Variants in FGD5 observed in about 807,000 individuals in gnomAD.
FGD5 encodes the protein FYVE, RhoGEF and PH domain-containing protein 5.
FGD5 carries 28 observed loss-of-function variants against 133.4 expected under a neutral mutation model. The observed-to-expected ratio is 0.21, with a 90% CI of 0.16 to 0.29. FGD5 has a LOEUF of 0.29. Ranked by LOEUF, FGD5 falls within the 10% of genes least tolerant of loss-of-function variation. The pLI, the probability that FGD5 is intolerant of heterozygous loss-of-function variation, is 1.00. For synonymous variants in FGD5, 810 were observed against 776.5 expected (o/e 1.04, Z -0.72); for missense variants, 1,858 against 1,895.2 (o/e 0.98, Z 0.36).
chr3:14,820,313 G>A lies in FGD5; in HGVS notation c.1242G>A (p.Val414=). The change falls in exon 1 of 20, where the codon GTG becomes GTA. Residue 414 remains valine, a synonymous_variant. Transcript: ENST00000285046. ...AGGGTCCCGCAGCCCCTGATGTGGT[G>A]GTCGTGCTGGAGGAGGAGGCCTTGG... is the stretch of plus-strand genomic sequence containing the variant. ...AAEGPAAPDV[V]VVLEEEALDD... The A allele has an allele frequency of 6.2e-7, 1 of 1,608,206 alleles. No individual in the cohort carries two copies. Among genetic ancestry groups the A allele is most frequent in the Non-Finnish European group, 8.5e-7 (1 of 1,176,668 alleles).
At chr3:14,880,934 T>C (rs894175501) in intron 4 of FGD5, among the ~76,000 whole-genome samples, 162 bp downstream of exon 4, 11 of 152,198 alleles carry the variant, frequency 7.2e-5, no homozygotes, top group African/African-American at 2.2e-4. Flanking sequence ...GTCTCCTGAT[T>C]AATGTGCTTC....
At chr3:14,898,969 C>T in intron 7 of FGD5, 143 bp downstream of exon 7, 1 of 721,698 alleles carries the variant, frequency 1.4e-6, no homozygotes, top group Admixed American at 2.4e-5. Flanking sequence ...ATCACCTTTC[C>T]CTCCAGTTGA....
chr3:14,911,677 A>G (rs1293540452), intron 11 of FGD5, among the ~76,000 whole-genome samples: 1 of 151,414 alleles, frequency 6.6e-6, no homozygotes, highest in Non-Finnish European at 1.5e-5. Flanking sequence ...GCTGGAAACA[A>G]AGAAAAATCC....
chr3:14,855,786 G>C (rs540370225), intron 1 of FGD5, among the ~76,000 whole-genome samples: 1 of 151,786 alleles, frequency 6.6e-6, no homozygotes, highest in Non-Finnish European at 1.5e-5. Context: ...ATCCCCTGTC[G>C]GATGAGTAGT....
chr3:14,917,604 G>A lies in FGD5; in HGVS notation c.3489+272G>A, dbSNP rs1431250923. Among the ~76,000 whole-genome samples, 1 of 152,032 alleles carries A rather than the reference G, an allele frequency of 6.6e-6. No individual in the cohort carries two copies. The highest frequency in any genetic ancestry group is 1.5e-5 in the Non-Finnish European group (1 of 68,020). On this transcript the variant is annotated intron_variant, in intron 12 of 19. Coordinates refer to ENST00000285046, the MANE Select transcript of FGD5 (RefSeq NM_152536.4). This position sits in a 1 kb window ranked among gnomAD's most constrained non-coding sequence, Gnocchi z 4.1. ...GGAAGGAGGGGCATCCTATGAGGAGGAAAATGCATAAGGAAGGGCCTGGGT... is the reference window on the plus strand; with the variant it reads ...GGAAGGAGGGGCATCCTATGAGGAGAAAAATGCATAAGGAAGGGCCTGGGT...
chr3:14,907,681 G>T lies in FGD5; in HGVS notation c.3306G>T (p.Arg1102=), dbSNP rs763099234. 14 of 1,613,650 alleles carry T rather than the reference G, an allele frequency of 8.7e-6. No homozygotes were observed. Among genetic ancestry groups the T allele is most frequent in the Middle Eastern group, 1.6e-4 (1 of 6,082 alleles). The part of the protein sequence containing the change: ...QKLVHIEHSV[R]GQGDLLQPGR... ...TGGTCCACATTGAGCACAGCGTCCG[G>T]GGCCAAGGGGATCTCCTCCAGCCAG... Residue 1102 remains arginine, a synonymous_variant, in exon 10 of 20, where the codon CGG becomes CGT. Coordinates refer to ENST00000285046, the MANE Select transcript of FGD5 (RefSeq NM_152536.4).
At chr3:14,858,958 G>A (rs1028856158) in intron 1 of FGD5, among the ~76,000 whole-genome samples, 6 of 152,178 alleles carry the variant, frequency 3.9e-5, no homozygotes, top group South Asian at 2.1e-4. Flanking sequence ...GTATCAGAAC[G>A]TTTTGATTTG....
chr3:14,887,468 A>G (rs2037946191), intron 4 of FGD5, among the ~76,000 whole-genome samples: 1 of 151,898 alleles, frequency 6.6e-6, no homozygotes, highest in South Asian at 2.1e-4. Context: ...ACTTGAGCTT[A>G]GGTTGCAGTG....
chr3:14,906,766 C>T (rs751095078), intron 9 of FGD5, among the ~76,000 whole-genome samples: 9 of 152,236 alleles, frequency 5.9e-5, no homozygotes, highest in Non-Finnish European at 1.0e-4. Context: ...ACCAAAGGTG[C>T]GGCAGTTCCT....
intron 1 of FGD5, among the ~76,000 whole-genome samples, chr3:14,830,527 G>A (rs1035264713): frequency 6.6e-6 from 1 of 152,156 alleles, no homozygotes; most frequent in Non-Finnish European, 1.5e-5. Flanking sequence ...TCACAATGTG[G>A]TTTTACCTTC....
Position 14,898,786 on chromosome 3 carries a change from G to T in FGD5, c.3114G>T (p.Arg1038=). The change falls in exon 7 of 20, where the codon CGG becomes CGT. Residue 1038 remains arginine, a synonymous_variant. Transcript: ENST00000285046. ...GSQTAKHRLL[R]VVQRLFQYQV... ...AGACTGCGAAGCATCGGCTGCTGCG[G>T]GTGGTTCAACGCCTCTTCCAGTACC... is the stretch of plus-strand genomic sequence containing the variant. 1 of 1,585,512 alleles carries T rather than the reference G, an allele frequency of 6.3e-7. No homozygotes were observed. The highest frequency in any genetic ancestry group is 8.6e-7 in the Non-Finnish European group (1 of 1,166,704).
intron 1 of FGD5, among the ~76,000 whole-genome samples, chr3:14,858,461 T>TC (rs1285811551): frequency 3.3e-5 from 5 of 152,196 alleles, no homozygotes; most frequent in Middle Eastern, 3.4e-3. Flanking sequence ...GAGGGCTTTC[T>TC]CATATGTAGT....
Position 14,933,469 on chromosome 3 carries a change from TGGA to T in FGD5, c.*303_*305del, listed in dbSNP as rs1236391073. The T allele has an allele frequency of 2.7e-6, 1 of 365,920 alleles. No individual in the cohort carries two copies. Among genetic ancestry groups the T allele is most frequent in the Non-Finnish European group, 5.0e-6 (1 of 198,614 alleles). The allele number at this position is 365,920 out of a possible 1,614,324, so 22.7% of individuals were successfully genotyped here. A position where few individuals can be genotyped will look rare whatever the true frequency, so the allele number is the denominator to read the frequency against. On this transcript the variant is annotated 3_prime_UTR_variant, in exon 20 of 20. Transcript: ENST00000285046. Reference sequence around the variant, plus strand: ...GTTAAAATTTAGTAAGATGAAGATGTGGAAACCAATGAAAAGTACATTTAGAAA... The same window carrying T: ...GTTAAAATTTAGTAAGATGAAGATGTAACCAATGAAAAGTACATTTAGAAA...
chr3:14,817,973 G>T (rs2036400613), upstream of FGD5, among the ~76,000 whole-genome samples: 1 of 152,166 alleles, frequency 6.6e-6, no homozygotes, highest in African/African-American at 2.4e-5. Context: ...GAGCTCAAAA[G>T]TTGGCAACCA....
intron 9 of FGD5, among the ~76,000 whole-genome samples, chr3:14,905,168 C>T (rs1190404848): frequency 6.6e-6 from 1 of 152,164 alleles, no homozygotes; most frequent in East Asian, 1.9e-4. Context: ...GTGTAGAAAC[C>T]TGGATGGACA....
intron 1 of FGD5, among the ~76,000 whole-genome samples, chr3:14,827,277 T>G (rs2036616900): frequency 1.5e-5 from 2 of 131,602 alleles, no homozygotes; most frequent in Non-Finnish European, 1.6e-5. Context: ...ACATTTCTGG[T>G]ATTCTTTTTT....
rs1246167217 is a variant in FGD5 at position 14,819,871 on chromosome 3, C to G, written c.800C>G (p.Thr267Arg). The G allele has an allele frequency of 6.2e-7, 1 of 1,613,498 alleles. No individual in the cohort carries two copies. Among genetic ancestry groups the G allele is most frequent in the Non-Finnish European group, 8.5e-7 (1 of 1,179,714 alleles). The change falls in exon 1 of 20, where the codon ACA becomes AGA. Residue 267 changes from threonine (T) to arginine (R), a missense_variant. By Grantham distance (71) the Thr-to-Arg change is moderately conservative. This residue lies in a region of FGD5 where 1,824 missense variants were observed against 1,848.9 expected (regional missense o/e 0.99). Transcript: ENST00000285046. This position sits in a 1 kb window ranked among gnomAD's most constrained non-coding sequence, Gnocchi z 4.1. ...CTGGCCGGGGTCCAGGAGGCAGAGA[C>G]AGCCACAGACTGCCCTGAAGTTCTT... is the stretch of plus-strand genomic sequence containing the variant. ...EELAGVQEAE[T>R]ATDCPEVLEE...
intron 1 of FGD5, among the ~76,000 whole-genome samples, chr3:14,847,542 A>G (rs141827357): frequency 5.3e-4 from 81 of 152,300 alleles, no homozygotes; most frequent in African/African-American, 1.7e-3. Flanking sequence ...CAGGAACAGC[A>G]ACATAGCTGC....
At chr3:14,862,659 A>G (rs2037420799) in intron 1 of FGD5, among the ~76,000 whole-genome samples, 1 of 152,208 alleles carries the variant, frequency 6.6e-6, no homozygotes, top group African/African-American at 2.4e-5. Context: ...AATGTTTTTG[A>G]AAAGGAAGAA....
Sources: gnomAD v4.1 joint callset for allele counts (sites outside exome capture counted in the v4.1 genomes callset) on GRCh38, gnomAD v4.1.1 for gene constraint, gnomAD v4.1.1 regional missense constraint, Gnocchi (gnomAD v3.1) non-coding constraint, MANE v1.5 for transcripts, NCBI Gene and HGNC (gene_info 2026-07-23, HGNC 2026-07-21) for gene names.